Variants in FOXN3 observed in about 807,000 individuals in gnomAD.
FOXN3 encodes the protein forkhead box N3.
FOXN3 carries 7 observed loss-of-function variants against 38.4 expected under a neutral mutation model. That is an observed-to-expected ratio of 0.18 (90% CI 0.10 to 0.34). The LOEUF is 0.34. Among genes scored for constraint, FOXN3 ranks in the 10% least tolerant of loss-of-function variants. FOXN3 has a pLI of 1.00. For missense variants in FOXN3, 456 were observed against 613.4 expected (o/e 0.74, Z 2.71); for synonymous variants, 230 against 242.2 (o/e 0.95, Z 0.47).
intron 4 of FOXN3, among the ~76,000 whole-genome samples, chr14:89,240,654 G>C (rs1395531129): frequency 6.6e-6 from 1 of 152,280 alleles, no homozygotes; most frequent in Non-Finnish European, 1.5e-5. Context: ...AAAGGCATCA[G>C]CTGTCAAATG....
chr14:89,398,087 C>T (rs1217032676), intron 2 of FOXN3, among the ~76,000 whole-genome samples: 9 of 152,166 alleles, frequency 5.9e-5, no homozygotes, highest in Admixed American at 2.0e-4. Context: ...CCTTAGGAGT[C>T]CCCTTCTCCT....
intron 4 of FOXN3, among the ~76,000 whole-genome samples, chr14:89,252,805 ATAT>A (rs1310080997): frequency 6.6e-6 from 1 of 152,222 alleles, no homozygotes; most frequent in Admixed American, 6.5e-5. Context: ...GTATGCAAAG[ATAT>A]TATTATCTTT....
intron 1 of FOXN3, among the ~76,000 whole-genome samples, chr14:89,585,522 C>T (rs188928380): frequency 1.3e-4 from 20 of 151,958 alleles, no homozygotes; most frequent in African/African-American, 3.9e-4. Flanking sequence ...ACAAATATTC[C>T]CTGAGCATCT....
rs149222099 is a variant in FOXN3, at chr14:89,489,256, TAAGAA to T, written c.-14-76771_-14-76767del. Among the ~76,000 whole-genome samples, 485 of 152,238 alleles carry T rather than the reference TAAGAA, an allele frequency of 3.2e-3. 4 individuals carry two copies. The highest frequency in any genetic ancestry group is 0.011 in the African/African-American group (465 of 41,528). ...TACCCCACCTTCTTGGAAATTTAAA[TAAGAA>T]AATAGAAATGAAGTTGCTGTGAAAA... On this transcript the variant is annotated intron_variant, in intron 1 of 6. Coordinates refer to the FOXN3 transcript ENST00000345097.
intron 3 of FOXN3, among the ~76,000 whole-genome samples, chr14:89,331,149 T>C (rs1190503358): frequency 6.6e-6 from 1 of 152,226 alleles, no homozygotes; most frequent in Non-Finnish European, 1.5e-5. Context: ...CTACTATTTA[T>C]TTCCAGAACT....
In FOXN3 at chr14:89,556,722, G is replaced by A. The variant is rs114450311; in HGVS notation, c.-15+62306C>T. Among the ~76,000 whole-genome samples the A allele has an allele frequency of 4.4e-3, 673 of 152,322 alleles. 6 individuals carry two copies. The highest frequency in any genetic ancestry group is 0.015 in the African/African-American group (628 of 41,570). On this transcript the variant is annotated intron_variant, in intron 1 of 6. Coordinates refer to the FOXN3 transcript ENST00000345097. ...CTGCCACGTTTTGGCTACTGACAAGGAATGCCTGTGGATTCAACCTAAGAT... is the reference window on the plus strand; with the variant it reads ...CTGCCACGTTTTGGCTACTGACAAGAAATGCCTGTGGATTCAACCTAAGAT...
intron 2 of FOXN3, among the ~76,000 whole-genome samples, chr14:89,381,076 C>A (rs11621417): frequency 0.83 from 124,061 of 148,914 alleles, 51,618 homozygotes; most frequent in East Asian, 0.9. Context: ...CAGGAAGCAG[C>A]GATTGCAGTG....
intron 3 of FOXN3, among the ~76,000 whole-genome samples, chr14:89,296,884 G>A (rs1206790113): frequency 2.6e-5 from 4 of 152,078 alleles, no homozygotes; most frequent in South Asian, 2.1e-4. Context: ...TCATCCACCC[G>A]CCTCGGCCTC....
intron 1 of FOXN3, among the ~76,000 whole-genome samples, chr14:89,505,824 A>C (rs1379797364): frequency 6.7e-6 from 1 of 150,344 alleles, no homozygotes; most frequent in Non-Finnish European, 1.5e-5. Flanking sequence ...CCATCTAGGA[A>C]GTGAGGAGCG....
At chr14:89,208,927 G>C (rs1249920364) in intron 4 of FOXN3, among the ~76,000 whole-genome samples, 3 of 152,124 alleles carry the variant, frequency 2.0e-5, no homozygotes, top group Non-Finnish European at 2.9e-5. Context: ...ATGCCTTCCA[G>C]AGAAACACAG....
chr14:89,172,540 A>G (rs1180829591), intron 5 of FOXN3, among the ~76,000 whole-genome samples: 2 of 152,230 alleles, frequency 1.3e-5, no homozygotes, highest in Non-Finnish European at 2.9e-5. Flanking sequence ...ACGCAACTGC[A>G]AAGAGCCAAG....
At chr14:89,331,076 A>AT (rs1045528288) in intron 3 of FOXN3, among the ~76,000 whole-genome samples, 34 of 152,300 alleles carry the variant, frequency 2.2e-4, no homozygotes, top group African/African-American at 7.9e-4. Flanking sequence ...CACTTAAACA[A>AT]TTTTTTAGGT....
At chr14:89,237,501 G>C (rs1885013982) in intron 4 of FOXN3, among the ~76,000 whole-genome samples, 1 of 149,706 alleles carries the variant, frequency 6.7e-6, no homozygotes, top group Non-Finnish European at 1.5e-5. Context: ...CATCGTAAAT[G>C]ATAGAAATGT....
chr14:89,539,406 G>A (rs762295137), intron 1 of FOXN3, among the ~76,000 whole-genome samples: 3 of 152,044 alleles, frequency 2.0e-5, no homozygotes, highest in East Asian at 1.9e-4. Context: ...AGAAAATACC[G>A]GTCCAGTGAA....
intron 3 of FOXN3, among the ~76,000 whole-genome samples, chr14:89,287,192 C>G (rs1226972101): frequency 6.6e-6 from 1 of 152,052 alleles, no homozygotes; most frequent in Non-Finnish European, 1.5e-5. Flanking sequence ...CTTGCTCTGT[C>G]GTTCAGACTG....
intron 2 of FOXN3, among the ~76,000 whole-genome samples, chr14:89,352,523 C>CT (rs1349220172): frequency 6.6e-6 from 1 of 152,160 alleles, no homozygotes; most frequent in Non-Finnish European, 1.5e-5. Flanking sequence ...GGGGTCTGGC[C>CT]TGATTCCATC....
chr14:89,300,464 G>C (rs565240458), intron 3 of FOXN3, among the ~76,000 whole-genome samples: 2 of 152,340 alleles, frequency 1.3e-5, no homozygotes, highest in South Asian at 2.1e-4. Context: ...TTACAGGCGT[G>C]AGCCACTGTG....
chr14:89,367,275 A>G (rs895002504), intron 2 of FOXN3, among the ~76,000 whole-genome samples: 3 of 152,202 alleles, frequency 2.0e-5, no homozygotes, highest in African/African-American at 7.2e-5. Flanking sequence ...CTGCCTCTAC[A>G]GTGCCTCTCA....
intron 5 of FOXN3, among the ~76,000 whole-genome samples, chr14:89,173,513 A>T (rs1337915857): frequency 6.6e-6 from 1 of 152,258 alleles, no homozygotes; most frequent in Non-Finnish European, 1.5e-5. Flanking sequence ...CACTGCTTGT[A>T]ATATCAAAGA....
Sources: gnomAD v4.1 joint callset for allele counts (sites outside exome capture counted in the v4.1 genomes callset) on GRCh38, gnomAD v4.1.1 for gene constraint, MANE v1.5 for transcripts, NCBI Gene and HGNC (gene_info 2026-07-23, HGNC 2026-07-21) for gene names.